Variants in LRCH1 observed in about 807,000 individuals in gnomAD.
LRCH1 encodes the protein leucine rich repeats and calponin homology domain containing 1.
A neutral mutation model predicts 94.9 loss-of-function variants in LRCH1; 23 were observed. The observed-to-expected ratio is 0.24, with a 90% CI of 0.17 to 0.34. The LOEUF (loss-of-function observed/expected upper bound fraction) is 0.34, where lower values mean the gene tolerates loss of function less well. LRCH1 is among the 10% of genes least tolerant of loss of function. The pLI is 1.00. For missense variants in LRCH1, 790 were observed against 945.9 expected, an observed-to-expected ratio of 0.84 and a Z score of 2.16; for synonymous variants, 364 against 354.9, an observed-to-expected ratio of 1.03 and a Z score of -0.29.
chr13:46,634,809 T>G (rs1361093908), intron 1 of LRCH1, among the ~76,000 whole-genome samples: 2 of 152,108 alleles, frequency 1.3e-5, no homozygotes, highest in Non-Finnish European at 2.9e-5. Flanking sequence ...CATCTATAAA[T>G]GAGTGAGTAA....
chr13:46,559,631 G>A (rs1034840659), intron 1 of LRCH1, among the ~76,000 whole-genome samples: 3 of 152,162 alleles, frequency 2.0e-5, no homozygotes, highest in South Asian at 4.1e-4. Context: ...AAAAGGCAAG[G>A]ACATACTAAT....
At chr13:46,611,320 C>T (rs1025722877) in intron 1 of LRCH1, among the ~76,000 whole-genome samples, 5 of 152,174 alleles carry the variant, frequency 3.3e-5, no homozygotes, top group Non-Finnish European at 7.3e-5. Context: ...CCTTCTTCAG[C>T]TTCCTTCCTT....
At chr13:46,639,900 G>C (rs1022248722) in intron 1 of LRCH1, among the ~76,000 whole-genome samples, 4 of 152,220 alleles carry the variant, frequency 2.6e-5, no homozygotes, top group African/African-American at 9.6e-5. Context: ...TGCACTCAGA[G>C]AGTATCAGAG....
chr13:46,592,019 A>T (rs772032871), intron 1 of LRCH1, among the ~76,000 whole-genome samples: 1 of 152,220 alleles, frequency 6.6e-6, no homozygotes, highest in Non-Finnish European at 1.5e-5. Context: ...TTGTTTTAAA[A>T]CTGTCAGCAT....
chr13:46,676,626 C>T (rs957102130), intron 3 of LRCH1, among the ~76,000 whole-genome samples: 1 of 152,092 alleles, frequency 6.6e-6, no homozygotes, highest in Admixed American at 6.5e-5. Context: ...TAGATTCTTA[C>T]AAAAATACAT....
At chr13:46,730,557 A>G (rs1178255080) in intron 18 of LRCH1, among the ~76,000 whole-genome samples, 1 of 152,196 alleles carries the variant, frequency 6.6e-6, no homozygotes, top group Non-Finnish European at 1.5e-5. Flanking sequence ...TTTCTTATCT[A>G]TCATATTGAA....
chr13:46,701,577 G>C (rs1203798686), intron 11 of LRCH1, among the ~76,000 whole-genome samples: 2 of 152,114 alleles, frequency 1.3e-5, no homozygotes, highest in Admixed American at 1.3e-4. Context: ...TTTCCAAAAA[G>C]GAAAGAATTG....
At chr13:46,634,156 G>A (rs1353839363) in intron 1 of LRCH1, among the ~76,000 whole-genome samples, 1 of 152,174 alleles carries the variant, frequency 6.6e-6, no homozygotes. Context: ...GGGATTACAG[G>A]CGTGAGCCAC....
At chr13:46,729,943 A>G (rs1199473769) in intron 18 of LRCH1, among the ~76,000 whole-genome samples, 1 of 152,184 alleles carries the variant, frequency 6.6e-6, no homozygotes, top group Non-Finnish European at 1.5e-5. Flanking sequence ...CCAGATCCTC[A>G]TCTCTGCTGT....
At chr13:46,694,386 T>G (rs1871067169) in intron 8 of LRCH1, among the ~76,000 whole-genome samples, 1 of 152,186 alleles carries the variant, frequency 6.6e-6, no homozygotes, top group Admixed American at 6.5e-5. Flanking sequence ...TGTAGACACT[T>G]CTTTTGCTGT....
At chr13:46,559,202 A>C (rs2050103371) in intron 1 of LRCH1, among the ~76,000 whole-genome samples, 1 of 152,232 alleles carries the variant, frequency 6.6e-6, no homozygotes, top group African/African-American at 2.4e-5. Flanking sequence ...AAATATAATA[A>C]AATTTTTGAA....
intron 7 of LRCH1, among the ~76,000 whole-genome samples, chr13:46,692,153 CA>C (rs1470422034): frequency 3.3e-5 from 5 of 152,130 alleles, no homozygotes; most frequent in African/African-American, 1.2e-4. Flanking sequence ...GACATACATC[CA>C]AACTGTGTAT....
At chr13:46,726,964 C>A (rs1872852204) in intron 17 of LRCH1, among the ~76,000 whole-genome samples, 2 of 151,030 alleles carry the variant, frequency 1.3e-5, no homozygotes, top group South Asian at 4.2e-4. Context: ...CACTGCAAAT[C>A]CTTCATCATT....
Position 46,741,725 on chromosome 13 carries a change from G to A in LRCH1, c.2169G>A (p.Gly723=). The part of the protein sequence containing the change: ...RKTVDTLLAL[G]EKAPPPTSAL... The stretch of plus-strand genomic sequence containing the variant: ...CTGTTGACACTCTGCTGGCACTCGG[G>A]GAGAAAGCCCCACCACCAACTTCTG... The change falls in exon 20 of 20, where the codon GGG becomes GGA. Residue 723 remains glycine, a synonymous_variant. Coordinates refer to ENST00000389797, the MANE Select transcript of LRCH1 (RefSeq NM_001164211.2). 6.2e-7 allele frequency: 1 copy of A among 1,614,176 alleles called. No individual in the cohort carries two copies. The highest frequency in any genetic ancestry group is 8.5e-7 in the Non-Finnish European group (1 of 1,180,030).
intron 1 of LRCH1, among the ~76,000 whole-genome samples, chr13:46,586,117 A>G (rs891738940): frequency 6.6e-6 from 1 of 152,228 alleles, no homozygotes; most frequent in Non-Finnish European, 1.5e-5. Flanking sequence ...GAACATGGCA[A>G]TGGAACATGT....
chr13:46,689,288 C>T (rs1870776812), intron 7 of LRCH1, 92 bp downstream of exon 7: 2 of 864,456 alleles, frequency 2.3e-6, no homozygotes, highest in Non-Finnish European at 3.7e-6. Flanking sequence ...GGCATCGATT[C>T]ATTTGTATAT....
chr13:46,553,193 A>C lies in LRCH1; in HGVS notation c.-204A>C. 1 of 566,954 alleles carries C rather than the reference A, an allele frequency of 1.8e-6. No individual in the cohort carries two copies. Among genetic ancestry groups the C allele is most frequent in the Non-Finnish European group, 3.1e-6 (1 of 325,322 alleles). The allele number at this position is 566,954 out of a possible 1,614,324, so 35.1% of individuals were successfully genotyped here. ...CCGCAGTCCTTAGCTTCCCGGGGAC[A>C]GGAAACCTTCAAGACCGAGCTGCCA... On this transcript the variant is annotated 5_prime_UTR_variant, in exon 1 of 20. Transcript: ENST00000389797.
intron 16 of LRCH1, among the ~76,000 whole-genome samples, chr13:46,716,294 G>C (rs1872316849): frequency 1.3e-5 from 2 of 152,132 alleles, no homozygotes; most frequent in Admixed American, 1.3e-4. Context: ...AGGACACTCA[G>C]CTAGAGTTCA....
At chr13:46,566,653 G>A (rs1352480601) in intron 1 of LRCH1, among the ~76,000 whole-genome samples, 1 of 152,180 alleles carries the variant, frequency 6.6e-6, no homozygotes, top group Non-Finnish European at 1.5e-5. Flanking sequence ...AGAAGTGCAG[G>A]ATCCTCCTCT....
Sources: allele counts gnomAD v4.1 joint callset (sites outside exome capture counted in the v4.1 genomes callset), GRCh38; gene constraint gnomAD v4.1.1; transcripts MANE v1.5; gene names NCBI Gene and HGNC (gene_info 2026-07-23, HGNC 2026-07-21).